The following CDK14 variants were observed in gnomAD, a reference collection of about 807,000 sequenced individuals.
The protein encoded by CDK14 is cyclin dependent kinase 14, also known as cyclin-dependent kinase 14.
A neutral mutation model predicts 60.7 loss-of-function variants in CDK14; 34 were observed. That is an observed-to-expected ratio of 0.56 (90% CI 0.43 to 0.75). CDK14 has a LOEUF of 0.75. CDK14 is among the 30% of genes least tolerant of loss of function. The probability of loss-of-function intolerance (pLI) is 0.00; values close to 1 mark genes in which losing one functional copy is unlikely to be tolerated. For synonymous variants in CDK14, 197 were observed against 203.7 expected (o/e 0.97, Z 0.28); for missense variants, 482 against 564.1 (o/e 0.85, Z 1.47).
intron 9 of CDK14, among the ~76,000 whole-genome samples, chr7:90,971,463 G>A (rs1584184799): frequency 6.6e-6 from 1 of 152,118 alleles, no homozygotes; most frequent in Admixed American, 6.5e-5. Context: ...TGAAGGACGT[G>A]TACATCATGC....
intron 14 of CDK14, among the ~76,000 whole-genome samples, chr7:91,203,120 G>A (rs1802780974): frequency 6.8e-6 from 1 of 146,352 alleles, no homozygotes; most frequent in Admixed American, 6.9e-5. Flanking sequence ...TAATGTCATG[G>A]AGTTAAAAAA....
intron 5 of CDK14, among the ~76,000 whole-genome samples, chr7:90,811,593 C>T (rs1789116006): frequency 6.6e-6 from 1 of 151,486 alleles, no homozygotes; most frequent in Non-Finnish European, 1.5e-5. Context: ...AAAGCAATGG[C>T]AACAAAAGCC....
At chr7:90,807,542 T>C (rs1277592503) in intron 5 of CDK14, among the ~76,000 whole-genome samples, 1 of 151,990 alleles carries the variant, frequency 6.6e-6, no homozygotes, top group East Asian at 1.9e-4. Context: ...AACTGGAAAC[T>C]CTAAAAATCC....
Position 90,814,195 on chromosome 7 carries a change from T to A in CDK14, c.544+23543T>A, listed in dbSNP as rs1789255184. Among the ~76,000 whole-genome samples, 4 of 152,254 alleles carry A rather than the reference T, an allele frequency of 2.6e-5. No homozygotes were observed. The South Asian group carries it at 8.3e-4, about 32-fold the overall frequency. ...AATTATAGGACTGTAATTGCCAAAG[T>A]CTGTTGAAGGGAAAGAGTGAGATAG... On this transcript the variant is annotated intron_variant, in intron 5 of 14. Transcript: ENST00000380050.
At chr7:90,634,072 T>A (rs1584755601) in intron 2 of CDK14, among the ~76,000 whole-genome samples, 1 of 152,148 alleles carries the variant, frequency 6.6e-6, no homozygotes, top group Non-Finnish European at 1.5e-5. Context: ...CAAAAATTTA[T>A]GGTTAATATG....
At chr7:90,736,479 T>G (rs1471303498) in intron 3 of CDK14, among the ~76,000 whole-genome samples, 3 of 151,590 alleles carry the variant, frequency 2.0e-5, no homozygotes, top group Admixed American at 6.6e-5. Flanking sequence ...GTGTAAAGAT[T>G]TGATCAGTTA....
intron 10 of CDK14, among the ~76,000 whole-genome samples, chr7:91,020,567 A>G (rs1303773663): frequency 6.6e-6 from 1 of 152,226 alleles, no homozygotes; most frequent in East Asian, 1.9e-4. Context: ...GACAAGCGAA[A>G]TAATTCACCT....
At position 91,188,191 on chromosome 7, in the gene CDK14, T is replaced by TA. The variant is rs752028566; in HGVS notation, c.*29-18965dup. Among the ~76,000 whole-genome samples, 454 of 152,156 alleles carry TA rather than the reference T, an allele frequency of 3.0e-3. 1 individual carries two copies. The highest frequency in any genetic ancestry group is 5.1e-3 in the Non-Finnish European group (345 of 67,996). ...GGTTACTGTGTGATTCATTTTTTTT[T>TA]AAAAAAAAAGAACTTTGATTTCTTG... On this transcript the variant is annotated intron_variant, in intron 14 of 14. Transcript: ENST00000380050.
Position 90,704,215 on chromosome 7 carries a change from G to A in CDK14, c.124-22352G>A, listed in dbSNP as rs76492599. On this transcript the variant is annotated intron_variant, in intron 2 of 14. Transcript: ENST00000380050. ...AGAGTCATAATTGTCAACTTTACAC[G>A]CTGCTTCTTGACAACCTTAACAATC... Among the ~76,000 whole-genome samples the A allele has an allele frequency of 9.0e-3, 1,372 of 152,280 alleles. 28 individuals carry two copies. Among genetic ancestry groups the A allele is most frequent in the African/African-American group, 0.029 (1,201 of 41,554 alleles).
rs1170795303 is a variant in CDK14, at chr7:91,209,975, A to G, written c.*2839A>G. 1 of 152,570 alleles carries G rather than the reference A, an allele frequency of 6.6e-6. No homozygotes were observed. The highest frequency in any genetic ancestry group is 6.5e-5 in the Admixed American group (1 of 15,272). The allele number at this position is 152,570 out of a possible 1,614,324, so 9.5% of individuals were successfully genotyped here. On this transcript the variant is annotated 3_prime_UTR_variant, in exon 15 of 15. Transcript: ENST00000380050. ...GTGTATATGACAGCCAGTATAATCA[A>G]TACCCTAGGTTATGCGTCTATATGA...
intron 14 of CDK14, among the ~76,000 whole-genome samples, chr7:91,146,034 G>A (rs1800625612): frequency 6.6e-6 from 1 of 151,816 alleles, no homozygotes; most frequent in African/African-American, 2.4e-5. Context: ...ACACACAATG[G>A]GAAGCTGTGC....
chr7:90,862,893 T>C (rs1325558439), intron 5 of CDK14, among the ~76,000 whole-genome samples: 3 of 152,142 alleles, frequency 2.0e-5, no homozygotes, highest in Non-Finnish European at 4.4e-5. Context: ...AAACCTTGTT[T>C]TTCTGGCCAG....
At chr7:90,685,937 T>A (rs549370891) in intron 2 of CDK14, among the ~76,000 whole-genome samples, 3 of 152,206 alleles carry the variant, frequency 2.0e-5, no homozygotes, top group South Asian at 4.1e-4. Flanking sequence ...ATGTTTCTTT[T>A]TGTTGATATT....
chr7:90,599,013 AT>A (rs922945868), intron 1 of CDK14, among the ~76,000 whole-genome samples: 11 of 152,086 alleles, frequency 7.2e-5, no homozygotes, highest in African/African-American at 2.7e-4. Context: ...CTATCTAAGG[AT>A]TTTTAAGGCG....
intron 5 of CDK14, among the ~76,000 whole-genome samples, chr7:90,855,104 G>A (rs1325987991): frequency 6.6e-6 from 1 of 152,222 alleles, no homozygotes; most frequent in Non-Finnish European, 1.5e-5. Flanking sequence ...GAGACAGCAA[G>A]ATTGAAAATG....
At chr7:90,754,812 C>A (rs990427519) in intron 4 of CDK14, among the ~76,000 whole-genome samples, 48 of 152,022 alleles carry the variant, frequency 3.2e-4, no homozygotes, top group African/African-American at 1.1e-3. Context: ...AATACATGAA[C>A]AGAAACAGAC....
chr7:90,605,384 G>A (rs2116323331), intron 2 of CDK14, among the ~76,000 whole-genome samples: 1 of 152,320 alleles, frequency 6.6e-6, no homozygotes, highest in Middle Eastern at 3.4e-3. Flanking sequence ...TTCCCTGCCA[G>A]CATTCCTGTG....
At chr7:90,634,362 A>G (rs890614084) in intron 2 of CDK14, among the ~76,000 whole-genome samples, 4 of 137,048 alleles carry the variant, frequency 2.9e-5, no homozygotes, top group African/African-American at 1.1e-4. Context: ...TTCAATTCCC[A>G]TCTATGAGTG....
Position 91,144,991 on chromosome 7 carries a change from C to T in CDK14, c.*28+26783C>T, listed in dbSNP as rs910088181. Among the ~76,000 whole-genome samples the T allele has an allele frequency of 5.9e-5, 9 of 152,214 alleles. No homozygotes were observed. In the East Asian group the frequency reaches 9.7e-4, roughly 16 times the overall value. On this transcript the variant is annotated intron_variant, in intron 14 of 14. Transcript: ENST00000380050. ...TAAGGATTTGAACACTCAGATGGATCGCACTACTTTCCTTTCATTTTCACC... is the reference window on the plus strand; with the variant it reads ...TAAGGATTTGAACACTCAGATGGATTGCACTACTTTCCTTTCATTTTCACC...
Sources: allele counts gnomAD v4.1 joint callset (sites outside exome capture counted in the v4.1 genomes callset), GRCh38; gene constraint gnomAD v4.1.1; transcripts MANE v1.5; gene names NCBI Gene and HGNC (gene_info 2026-07-23, HGNC 2026-07-21).